Variants in MSH3 observed in about 807,000 individuals in gnomAD.
The protein encoded by MSH3 is mutS homolog 3.
MSH3 carries 106 observed loss-of-function variants against 123.3 expected under a neutral mutation model. That is an observed-to-expected ratio of 0.86 (90% CI 0.73 to 1.01). The LOEUF is 1.01. Among genes scored for constraint, MSH3 ranks in the 50% least tolerant of loss-of-function variants. MSH3 has a pLI of 0.00. For synonymous variants in MSH3, 515 were observed against 481.4 expected (o/e 1.07, Z -0.91); for missense variants, 1,459 against 1,347.6 (o/e 1.08, Z -1.29).
chr5:80,855,729 G>GA (rs1262117818), intron 21 of MSH3: 4 of 152,158 alleles, frequency 2.6e-5, no homozygotes, highest in African/African-American at 9.7e-5. Context: ...TATTTCAAAT[G>GA]ACAAACTTCT....
intron 20 of MSH3, among the ~76,000 whole-genome samples, chr5:80,824,824 T>TA (rs1398877359): frequency 6.6e-6 from 1 of 152,170 alleles, no homozygotes; most frequent in Non-Finnish European, 1.5e-5. Context: ...TTTATACAGA[T>TA]TAGTCGTGCT....
At chr5:80,785,331 A>G (rs540104222) in intron 17 of MSH3, among the ~76,000 whole-genome samples, 1 of 152,280 alleles carries the variant, frequency 6.6e-6, no homozygotes, top group South Asian at 2.1e-4. Flanking sequence ...CGCGTTACCC[A>G]TTGCGCTACT....
chr5:80,793,953 A>G (rs1177669383), intron 19 of MSH3, among the ~76,000 whole-genome samples: 1 of 152,090 alleles, frequency 6.6e-6, no homozygotes, highest in Non-Finnish European at 1.5e-5. Flanking sequence ...ACTGAACTTG[A>G]CTTCATTTTG....
At chr5:80,690,235 T>C (rs1750197372) in intron 8 of MSH3, among the ~76,000 whole-genome samples, 3 of 152,172 alleles carry the variant, frequency 2.0e-5, no homozygotes, top group South Asian at 2.1e-4. Flanking sequence ...AGTCTTTTTC[T>C]TTCTTCAAAC....
intron 21 of MSH3, among the ~76,000 whole-genome samples, chr5:80,863,212 C>G (rs747906204): frequency 3.3e-5 from 5 of 152,132 alleles, no homozygotes; most frequent in Non-Finnish European, 7.3e-5. Flanking sequence ...GAGTCAAACT[C>G]TGTAAAATAT....
intron 10 of MSH3, among the ~76,000 whole-genome samples, chr5:80,730,891 T>TAC (rs1743397278): frequency 4.7e-5 from 5 of 107,324 alleles, no homozygotes; most frequent in African/African-American, 1.6e-4. Context: ...TATATATATA[T>TAC]ATATTTTTTT....
Position 80,747,875 on chromosome 5 carries a change from ACTATATGCT to A in MSH3, c.1763+3263_1763+3271del, listed in dbSNP as rs545416647. Among the ~76,000 whole-genome samples the A allele has an allele frequency of 7.0e-4, 106 of 152,296 alleles. 1 individual carries two copies. Among genetic ancestry groups the A allele is most frequent in the African/African-American group, 2.4e-3 (101 of 41,572 alleles). On this transcript the variant is annotated intron_variant, in intron 12 of 23. Coordinates refer to ENST00000265081, the MANE Select transcript of MSH3 (RefSeq NM_002439.5). Reference sequence around the variant, plus strand: ...GGGCTGTACTATCTAATTTTATGTAACTATATGCTCTGTAATGTCCACAGAATGACAAAA... The same window carrying A: ...GGGCTGTACTATCTAATTTTATGTAACTGTAATGTCCACAGAATGACAAAA...
At chr5:80,789,368 CTTT>C (rs554381029) in intron 18 of MSH3, among the ~76,000 whole-genome samples, 1 of 139,102 alleles carries the variant, frequency 7.2e-6, no homozygotes, top group Admixed American at 7.2e-5. Flanking sequence ...ACTGTAGTCA[CTTT>C]TTTTTTTTTT....
chr5:80,836,600 G>C (rs1032520036), intron 20 of MSH3, among the ~76,000 whole-genome samples: 3 of 150,504 alleles, frequency 2.0e-5, no homozygotes. Context: ...TATCTGCTGG[G>C]GACTGGTTTC....
chr5:80,672,127 G>A (rs1749737364), intron 4 of MSH3, 117 bp from the exon 5 acceptor site: 1 of 771,676 alleles, frequency 1.3e-6, no homozygotes, highest in Admixed American at 2.2e-5. Context: ...TACACATTTA[G>A]ATTAAGTGTA....
At chr5:80,738,188 A>G (rs1435612555) in intron 10 of MSH3, among the ~76,000 whole-genome samples, 1 of 152,154 alleles carries the variant, frequency 6.6e-6, no homozygotes, top group Non-Finnish European at 1.5e-5. Context: ...GATATTGCAG[A>G]TATTTGGTAA....
At chr5:80,799,745 T>C (rs1238918147) in intron 19 of MSH3, among the ~76,000 whole-genome samples, 2 of 152,098 alleles carry the variant, frequency 1.3e-5, no homozygotes, top group African/African-American at 4.8e-5. Flanking sequence ...TTGAGACATG[T>C]CAGAGGATGA....
In MSH3 at chr5:80,775,676, T is replaced by G; in HGVS notation, c.2254-18T>G. On this transcript the variant is annotated intron_variant, in intron 15 of 23. Coordinates refer to ENST00000265081, the MANE Select transcript of MSH3 (RefSeq NM_002439.5). ...ATGGTTACTTATCTAAATCTCTGTT[T>G]ATTTGTATTTGTTTTAGTTTATGAT... 1 of 1,355,364 alleles carries G rather than the reference T, an allele frequency of 7.4e-7. No homozygotes were observed. Among genetic ancestry groups the G allele is most frequent in the East Asian group, 2.3e-5 (1 of 43,228 alleles). 84.0% of individuals were successfully genotyped at this position (1,355,364 alleles called of 1,614,324 possible). A position where few individuals can be genotyped will look rare whatever the true frequency, so the allele number is the denominator to read the frequency against.
At chr5:80,784,724 C>T (rs1206945458) in intron 17 of MSH3, among the ~76,000 whole-genome samples, 3 of 152,236 alleles carry the variant, frequency 2.0e-5, no homozygotes, top group Non-Finnish European at 2.9e-5. Context: ...CTGAGGGCTG[C>T]CTGTCTGATG....
chr5:80,709,586 C>T (rs897534572), intron 8 of MSH3, among the ~76,000 whole-genome samples: 12 of 151,984 alleles, frequency 7.9e-5, no homozygotes, highest in African/African-American at 2.2e-4. Flanking sequence ...CACGTGAGAT[C>T]GCGCCACTGC....
At chr5:80,844,054 C>G (rs1426287239) in intron 20 of MSH3, among the ~76,000 whole-genome samples, 13 of 152,016 alleles carry the variant, frequency 8.6e-5, no homozygotes, top group Non-Finnish European at 1.8e-4. Context: ...AAATTTCCCT[C>G]TACACACTGC....
intron 3 of MSH3, among the ~76,000 whole-genome samples, chr5:80,665,569 G>A (rs919399229): frequency 1.3e-5 from 2 of 152,118 alleles, no homozygotes; most frequent in Non-Finnish European, 2.9e-5. Flanking sequence ...TAATTGGTTT[G>A]TATGGGAACA....
intron 21 of MSH3, among the ~76,000 whole-genome samples, chr5:80,863,943 A>T (rs1746055817): frequency 6.6e-6 from 1 of 152,142 alleles, no homozygotes; most frequent in African/African-American, 2.4e-5. Context: ...CTCTTAGTTG[A>T]TTATCTCGTG....
intron 8 of MSH3, among the ~76,000 whole-genome samples, chr5:80,721,466 C>T (rs1339935939): frequency 6.6e-6 from 1 of 152,218 alleles, no homozygotes; most frequent in Non-Finnish European, 1.5e-5. Flanking sequence ...TTCAGCTCCT[C>T]AAAATGTCCT....
Sources: allele counts gnomAD v4.1 joint callset (sites outside exome capture counted in the v4.1 genomes callset), GRCh38; gene constraint gnomAD v4.1.1; transcripts MANE v1.5; gene names NCBI Gene and HGNC (gene_info 2026-07-23, HGNC 2026-07-21).